ADORA2B: variants seen among roughly 807,000 people sequenced by gnomAD.
ADORA2B encodes adenosine A2b receptor.
ADORA2B carries 18 observed loss-of-function variants against 20.8 expected under a neutral mutation model. The ratio of observed to expected loss-of-function variants is 0.87; its 90% CI spans 0.60 to 1.29. ADORA2B has a LOEUF of 1.29. Ranked by LOEUF, ADORA2B falls within the 50% of genes most tolerant of loss-of-function variation. The pLI is 0.00. For synonymous variants in ADORA2B, 179 were observed against 178.3 expected (o/e 1.00, Z -0.03); for missense variants, 441 against 422.7 (o/e 1.04, Z -0.38).
the ADORA2B span, among the ~76,000 whole-genome samples, chr17:15,889,691 C>T: frequency 6.9e-5 from 9 of 129,810 alleles, 2 homozygotes; most frequent in Non-Finnish European, 9.8e-5. Flanking sequence ...TGAGCTCAGA[C>T]GTTCGAGACC....
At chr17:15,922,555 G>A in the ADORA2B span, among the ~76,000 whole-genome samples, 6 of 152,142 alleles carry the variant, frequency 3.9e-5, no homozygotes, top group Non-Finnish European at 7.4e-5. Flanking sequence ...TTATACTGGG[G>A]CAAAGGTGTA....
the ADORA2B span, among the ~76,000 whole-genome samples, chr17:15,898,024 A>G: frequency 6.6e-6 from 1 of 152,226 alleles, no homozygotes; most frequent in African/African-American, 2.4e-5. Flanking sequence ...ACATAGTCAC[A>G]CAAGCAAAAA....
the ADORA2B span, among the ~76,000 whole-genome samples, chr17:15,920,697 G>A: frequency 6.7e-6 from 1 of 148,882 alleles, no homozygotes; most frequent in East Asian, 2.0e-4. Flanking sequence ...CTCCAGCCTG[G>A]TGATAGAGGG....
In ADORA2B at chr17:15,945,300, G is replaced by A. The variant is rs1315347249; in HGVS notation, c.52G>A (p.Ala18Thr). 1.9e-6 allele frequency: 3 copies of A among 1,564,468 alleles called. No homozygotes were observed. Among genetic ancestry groups the A allele is most frequent in the East Asian group, 2.3e-5 (1 of 42,686 alleles). Residue 18 changes from alanine to threonine, a missense_variant, in exon 1 of 2, where the codon GCC (alanine) becomes ACC (threonine). Ala to Thr is a moderately conservative substitution (Grantham distance 58). Transcript: ENST00000304222. Reference sequence around the variant, plus strand: ...GTACGTGGCGCTGGAGCTGGTCATCGCCGCGCTTTCGGTGGCGGGCAACGT... The same window carrying A: ...GTACGTGGCGCTGGAGCTGGTCATCACCGCGCTTTCGGTGGCGGGCAACGT... ...ALYVALELVIAALSVAGNVLV... is the reference protein window; with the variant it reads ...ALYVALELVITALSVAGNVLV...
the ADORA2B span, among the ~76,000 whole-genome samples, chr17:15,854,586 C>G: frequency 6.6e-6 from 1 of 152,186 alleles, no homozygotes; most frequent in African/African-American, 2.4e-5. Context: ...CATATTGTCA[C>G]TTTTGTTCAG....
At chr17:15,964,919 GT>G (rs1567782324) in intron 1 of ADORA2B, among the ~76,000 whole-genome samples, 3 of 152,026 alleles carry the variant, frequency 2.0e-5, no homozygotes, top group Non-Finnish European at 4.4e-5. Context: ...AAATTAGCCC[GT>G]GTGGCAGCGG....
the ADORA2B span, among the ~76,000 whole-genome samples, chr17:15,928,210 C>A: frequency 1.3e-5 from 2 of 152,100 alleles, no homozygotes; most frequent in Non-Finnish European, 1.5e-5. Flanking sequence ...ACGTATGTTG[C>A]TGGTGGCTTT....
chr17:15,914,748 G>T, the ADORA2B span, among the ~76,000 whole-genome samples: 1 of 152,208 alleles, frequency 6.6e-6, no homozygotes, highest in Non-Finnish European at 1.5e-5. Flanking sequence ...AATGCTCAGC[G>T]CATCCCTGGA....
the ADORA2B span, among the ~76,000 whole-genome samples, chr17:15,884,623 A>G: frequency 7.4e-3 from 1,133 of 152,196 alleles, 15 homozygotes; most frequent in African/African-American, 0.026. Context: ...ACATGTGTCC[A>G]TGTGTTCGCA....
At chr17:15,860,444 AT>A in the ADORA2B span, among the ~76,000 whole-genome samples, 12,716 of 142,462 alleles carry the variant, frequency 0.089, 1,470 homozygotes, top group African/African-American at 0.28. Context: ...TGGTCATCAC[AT>A]TGAGGCATTT....
At chr17:15,967,399 A>G (rs1970134440) in intron 1 of ADORA2B, among the ~76,000 whole-genome samples, 1 of 151,970 alleles carries the variant, frequency 6.6e-6, no homozygotes, top group Non-Finnish European at 1.5e-5. Flanking sequence ...CACTCGGCTA[A>G]TTTTTGTATT....
the ADORA2B span, among the ~76,000 whole-genome samples, chr17:15,919,008 G>A: frequency 6.6e-6 from 1 of 152,132 alleles, no homozygotes; most frequent in African/African-American, 2.4e-5. Context: ...TCCGGTTTAT[G>A]GCTCTTCTCA....
Position 15,961,904 on chromosome 17 carries a change from T to C in ADORA2B, c.336-12775T>C, listed in dbSNP as rs74325519. Reference sequence around the variant, plus strand: ...CCAGAGCCCTCATGACCTGATCGCCTCTTAAAGGTCACACCTCTCAGCACT... The same window carrying C: ...CCAGAGCCCTCATGACCTGATCGCCCCTTAAAGGTCACACCTCTCAGCACT... On this transcript the variant is annotated intron_variant, in intron 1 of 1. Coordinates refer to ENST00000304222, the MANE Select transcript of ADORA2B (RefSeq NM_000676.4). Among the ~76,000 whole-genome samples the C allele has an allele frequency of 9.1e-3, 1,382 of 152,310 alleles. 27 individuals carry two copies. The highest frequency in any genetic ancestry group is 0.031 in the African/African-American group (1,293 of 41,576).
At chr17:15,928,304 G>A in the ADORA2B span, among the ~76,000 whole-genome samples, 1 of 152,044 alleles carries the variant, frequency 6.6e-6, no homozygotes, top group African/African-American at 2.4e-5. Context: ...GAAATGGGGA[G>A]ATCATCGGAA....
chr17:15,866,922 T>C, the ADORA2B span, among the ~76,000 whole-genome samples: 21 of 152,162 alleles, frequency 1.4e-4, no homozygotes, highest in African/African-American at 5.1e-4. Flanking sequence ...GTGCCTGCGA[T>C]TGCAGGCGCG....
the ADORA2B span, among the ~76,000 whole-genome samples, chr17:15,876,307 T>G: frequency 6.6e-6 from 1 of 152,208 alleles, no homozygotes; most frequent in East Asian, 1.9e-4. Flanking sequence ...AAGAAAATAA[T>G]TCCAGTCCTT....
At chr17:15,943,412 G>A (rs1969761703), upstream of ADORA2B, among the ~76,000 whole-genome samples, 1 of 152,092 alleles carries the variant, frequency 6.6e-6, no homozygotes, top group South Asian at 2.1e-4. Context: ...CTGCAGCCTC[G>A]AACCCCTGGC....
At chr17:15,905,601 C>T in the ADORA2B span, among the ~76,000 whole-genome samples, 4 of 151,824 alleles carry the variant, frequency 2.6e-5, no homozygotes, top group African/African-American at 7.3e-5. Context: ...AGGATAGTCT[C>T]GATCTCCTGA....
At chr17:15,860,546 A>G in the ADORA2B span, among the ~76,000 whole-genome samples, 2 of 151,542 alleles carry the variant, frequency 1.3e-5, no homozygotes, top group Admixed American at 6.6e-5. Context: ...GGTAAGGGCA[A>G]TTTCATAAGG....
Sources: allele counts gnomAD v4.1 joint callset (sites outside exome capture counted in the v4.1 genomes callset), GRCh38; gene constraint gnomAD v4.1.1; transcripts MANE v1.5; gene names NCBI Gene and HGNC (gene_info 2026-07-23, HGNC 2026-07-21).